FRMD6: variants seen among roughly 807,000 people sequenced by gnomAD.
The protein encoded by FRMD6 is FERM domain-containing protein 6.
In FRMD6, 37 loss-of-function variants were observed where a neutral mutation model predicts 73.2. The ratio of observed to expected loss-of-function variants is 0.51; its 90% CI spans 0.39 to 0.66. The LOEUF (loss-of-function observed/expected upper bound fraction) is 0.66. Ranked by LOEUF, FRMD6 falls within the 30% of genes least tolerant of loss-of-function variation. FRMD6 has a pLI of 0.00. For synonymous variants in FRMD6, 273 were observed against 282.2 expected (o/e 0.97, Z 0.33); for missense variants, 714 against 780.5 (o/e 0.91, Z 1.02).
chr14:51,420,002 TTAGGTGTAGTCATGTGACTTCCTGCGC>T, the FRMD6 span, among the ~76,000 whole-genome samples: 17 of 133,640 alleles, frequency 1.3e-4, no homozygotes, highest in South Asian at 3.7e-3. Flanking sequence ...CCTGCCCTCG[TTAGGTGTAGTCATGTGACTTCCTGCGC>T]TTTTTAGGTG....
chr14:51,469,544 C>T, the FRMD6 span, among the ~76,000 whole-genome samples: 5 of 137,716 alleles, frequency 3.6e-5, no homozygotes, highest in East Asian at 7.6e-4. Context: ...ACCCGGGAGG[C>T]GGAGCTTGCA....
At chr14:51,680,446 TATTA>T (rs911965398) in intron 1 of FRMD6, among the ~76,000 whole-genome samples, 2 of 152,208 alleles carry the variant, frequency 1.3e-5, no homozygotes, top group Non-Finnish European at 2.9e-5. Context: ...GTTTCTACGC[TATTA>T]ATTTTGACTC....
the FRMD6 span, among the ~76,000 whole-genome samples, chr14:51,475,239 A>C: frequency 1.3e-5 from 2 of 152,216 alleles, no homozygotes; most frequent in Non-Finnish European, 2.9e-5. Flanking sequence ...ATTTGGGTAC[A>C]AATTGATTTA....
At chr14:51,507,101 C>T (rs1241849156) in intron 1 of FRMD6, among the ~76,000 whole-genome samples, 1 of 111,534 alleles carries the variant, frequency 9.0e-6, no homozygotes, top group Admixed American at 7.8e-5. Context: ...CACACACACA[C>T]ACACACACAC....
chr14:51,657,578 C>G (rs1892924998), intron 1 of FRMD6, among the ~76,000 whole-genome samples: 1 of 152,086 alleles, frequency 6.6e-6, no homozygotes, highest in African/African-American at 2.4e-5. Context: ...TGAATATGCC[C>G]AGTTTCTTTA....
chr14:51,537,391 TTATC>T (rs542516789), intron 1 of FRMD6, among the ~76,000 whole-genome samples: 257 of 152,328 alleles, frequency 1.7e-3, no homozygotes, highest in African/African-American at 5.7e-3. Flanking sequence ...CAGTTTTTAT[TTATC>T]CATTCACGTA....
At chr14:51,407,771 A>G in the FRMD6 span, among the ~76,000 whole-genome samples, 1 of 152,144 alleles carries the variant, frequency 6.6e-6, no homozygotes, top group East Asian at 1.9e-4. Context: ...TGAGGATGTC[A>G]TCTCATTATG....
chr14:51,425,912 A>G, the FRMD6 span, among the ~76,000 whole-genome samples: 1 of 151,894 alleles, frequency 6.6e-6, no homozygotes, highest in Non-Finnish European at 1.5e-5. Flanking sequence ...AGCACTGAAT[A>G]CTCTTGAGTG....
intron 1 of FRMD6, among the ~76,000 whole-genome samples, chr14:51,500,694 G>A (rs180790759): frequency 2.6e-5 from 4 of 152,190 alleles, no homozygotes; most frequent in Non-Finnish European, 5.9e-5. Flanking sequence ...AACAGAAAAA[G>A]ATTTAGGAAG....
chr14:51,546,193 C>G (rs1886455019), intron 1 of FRMD6, among the ~76,000 whole-genome samples: 1 of 152,036 alleles, frequency 6.6e-6, no homozygotes, highest in African/African-American at 2.4e-5. Context: ...TCTTGTAAAT[C>G]TCAAAGGTAA....
intron 1 of FRMD6, among the ~76,000 whole-genome samples, chr14:51,529,823 C>G (rs1885480072): frequency 6.6e-6 from 1 of 152,192 alleles, no homozygotes; most frequent in African/African-American, 2.4e-5. Flanking sequence ...GACTGGAAAT[C>G]AGTTAGCTAT....
At chr14:51,716,251 C>T (rs1382859261) in intron 10 of FRMD6, among the ~76,000 whole-genome samples, 1 of 152,010 alleles carries the variant, frequency 6.6e-6, no homozygotes, top group Non-Finnish European at 1.5e-5. Context: ...ATTTAACACA[C>T]CCCAACCCTA....
chr14:51,583,723 T>C lies in FRMD6; in HGVS notation c.-147+13313T>C, dbSNP rs139797873. 4.6e-3 allele frequency among the ~76,000 whole-genome samples: 699 copies of C among 152,320 alleles called. 9 individuals carry two copies. The highest frequency in any genetic ancestry group is 0.016 in the African/African-American group (663 of 41,570). Reference sequence around the variant, plus strand: ...GGCTCCAGGGCCCAGGCTCTTTGGCTACCATGTGTATACACTTTCTGAAGA... The same window carrying C: ...GGCTCCAGGGCCCAGGCTCTTTGGCCACCATGTGTATACACTTTCTGAAGA... On this transcript the variant is annotated intron_variant, in intron 2 of 14. Transcript: ENST00000356218.
At chr14:51,464,976 G>T in the FRMD6 span, among the ~76,000 whole-genome samples, 1 of 152,080 alleles carries the variant, frequency 6.6e-6, no homozygotes. Flanking sequence ...AATAATTCAA[G>T]GGAATTATGA....
At chr14:51,626,289 G>A (rs1298863636) in intron 2 of FRMD6, among the ~76,000 whole-genome samples, 1 of 152,068 alleles carries the variant, frequency 6.6e-6, no homozygotes, top group East Asian at 1.9e-4. Context: ...TGGAGGGGTT[G>A]TCATTTCCTA....
intron 2 of FRMD6, among the ~76,000 whole-genome samples, chr14:51,603,353 T>TA (rs1156888285): frequency 6.6e-6 from 1 of 152,120 alleles, no homozygotes; most frequent in Admixed American, 6.5e-5. Flanking sequence ...CATGAACCCA[T>TA]AAAAAATGTT....
At chr14:51,654,305 T>TGGCG (rs71443187) in intron 1 of FRMD6, among the ~76,000 whole-genome samples, 2 of 121,958 alleles carry the variant, frequency 1.6e-5, no homozygotes, top group African/African-American at 3.1e-5. Flanking sequence ...TTAGCTGAAT[T>TGGCG]GGGGGGGGGG....
chr14:51,434,498 G>A, the FRMD6 span, among the ~76,000 whole-genome samples: 1 of 118,182 alleles, frequency 8.5e-6, no homozygotes, highest in East Asian at 2.6e-4. Flanking sequence ...TAAAAATTGG[G>A]ACAATTTGAG....
At chr14:51,401,707 AG>A in the FRMD6 span, among the ~76,000 whole-genome samples, 11,387 of 152,264 alleles carry the variant, frequency 0.075, 452 homozygotes, top group South Asian at 0.09. Flanking sequence ...GGACGCTGAC[AG>A]AGGCACGTGA....
Sources: gnomAD v4.1 joint callset for allele counts (sites outside exome capture counted in the v4.1 genomes callset) on GRCh38, gnomAD v4.1.1 for gene constraint, MANE v1.5 for transcripts, NCBI Gene and HGNC (gene_info 2026-07-23, HGNC 2026-07-21) for gene names.